The following ARHGAP20 variants were observed in gnomAD, a reference collection of about 807,000 sequenced individuals.
ARHGAP20 encodes Rho GTPase activating protein 20, also known as rho GTPase-activating protein 20.
In ARHGAP20, 34 loss-of-function variants were observed where a neutral mutation model predicts 73.7. The ratio of observed to expected loss-of-function variants is 0.46; its 90% confidence interval spans 0.35 to 0.61. The LOEUF is 0.61. Ranked by LOEUF, ARHGAP20 falls within the 20% of genes least tolerant of loss-of-function variation. ARHGAP20 has a pLI of 0.00. For synonymous variants in ARHGAP20, 523 were observed against 518.2 expected (o/e 1.01, Z -0.13); for missense variants, 1,314 against 1,420.9 (o/e 0.92, Z 1.21).
At chr11:110,616,840 G>A (rs1337939137) in intron 4 of ARHGAP20, among the ~76,000 whole-genome samples, 1 of 152,052 alleles carries the variant, frequency 6.6e-6, no homozygotes, top group African/African-American at 2.4e-5. Context: ...AAACAGATAA[G>A]AGCTTTGCTT....
intron 9 of ARHGAP20, among the ~76,000 whole-genome samples, chr11:110,601,780 T>C (rs1390350466): frequency 6.6e-6 from 1 of 152,022 alleles, no homozygotes; most frequent in African/African-American, 2.4e-5. Context: ...GGTCAGGAGT[T>C]CAAGACCAGT....
At chr11:110,634,290 C>T (rs1437701510) in intron 2 of ARHGAP20, among the ~76,000 whole-genome samples, 1 of 152,040 alleles carries the variant, frequency 6.6e-6, no homozygotes, top group Non-Finnish European at 1.5e-5. Context: ...GTTTTTTTAG[C>T]AGCTGAACAC....
intron 7 of ARHGAP20, among the ~76,000 whole-genome samples, chr11:110,611,060 T>C (rs1232329885): frequency 1.3e-5 from 2 of 152,066 alleles, no homozygotes; most frequent in African/African-American, 2.4e-5. Context: ...AAAATACATA[T>C]TGTCACTTTA....
At chr11:110,638,730 C>T (rs1384675536) in intron 2 of ARHGAP20, among the ~76,000 whole-genome samples, 2 of 151,796 alleles carry the variant, frequency 1.3e-5, no homozygotes, top group Non-Finnish European at 2.9e-5. Context: ...AACCATCATT[C>T]TCATCAGACT....
chr11:110,702,188 T>C (rs1406770744), intron 1 of ARHGAP20, among the ~76,000 whole-genome samples: 6 of 152,062 alleles, frequency 3.9e-5, no homozygotes, highest in Admixed American at 6.6e-5. Flanking sequence ...TTATCCACCA[T>C]GATCAAGTGG....
At chr11:110,584,846 T>C (rs1947580307) in intron 12 of ARHGAP20, among the ~76,000 whole-genome samples, 1 of 151,094 alleles carries the variant, frequency 6.6e-6, no homozygotes, top group African/African-American at 2.4e-5. Flanking sequence ...TTCTGATTCA[T>C]ATATATATAT....
chr11:110,585,693 A>G (rs191282337), intron 12 of ARHGAP20, among the ~76,000 whole-genome samples: 4 of 152,304 alleles, frequency 2.6e-5, no homozygotes, highest in African/African-American at 9.6e-5. Context: ...CTTTGTGATC[A>G]GACGTCCTTT....
At chr11:110,627,790 A>G (rs992426379) in intron 3 of ARHGAP20, among the ~76,000 whole-genome samples, 3 of 152,214 alleles carry the variant, frequency 2.0e-5, no homozygotes, top group Non-Finnish European at 2.9e-5. Flanking sequence ...ATTATCAGAG[A>G]GAATATTAAC....
chr11:110,674,468 T>A (rs1333509105), intron 2 of ARHGAP20, among the ~76,000 whole-genome samples: 3 of 152,174 alleles, frequency 2.0e-5, no homozygotes, highest in African/African-American at 7.2e-5. Context: ...GAAAATCCCA[T>A]ACTTGATCTC....
chr11:110,711,601 G>A, intron 1 of ARHGAP20: 2 of 1,484,540 alleles, frequency 1.3e-6, no homozygotes, highest in African/African-American at 1.5e-5. Context: ...GAGCAGCCGC[G>A]CCTCGGCGGG....
chr11:110,645,859 C>T (rs1949180493), intron 2 of ARHGAP20, among the ~76,000 whole-genome samples: 1 of 152,128 alleles, frequency 6.6e-6, no homozygotes, highest in Non-Finnish European at 1.5e-5. Flanking sequence ...AGTGAACTAA[C>T]ACAGAAACTG....
intron 2 of ARHGAP20, among the ~76,000 whole-genome samples, chr11:110,648,596 T>C (rs2135006340): frequency 6.6e-6 from 1 of 151,628 alleles, no homozygotes; most frequent in Non-Finnish European, 1.5e-5. Context: ...GTGATTCTCC[T>C]GCCTCAGCCT....
At chr11:110,584,751 G>C (rs963001458) in intron 12 of ARHGAP20, among the ~76,000 whole-genome samples, 2 of 151,928 alleles carry the variant, frequency 1.3e-5, no homozygotes, top group Admixed American at 1.3e-4. Context: ...GAAAATTCTG[G>C]TGGAGAGAAC....
intron 11 of ARHGAP20, chr11:110,589,721 G>A: frequency 6.1e-6 from 6 of 983,570 alleles, no homozygotes; most frequent in Non-Finnish European, 7.2e-6. Flanking sequence ...CCATGGATGT[G>A]ACTTAAGTAA....
At chr11:110,674,977 T>C (rs112566256) in intron 2 of ARHGAP20, among the ~76,000 whole-genome samples, 45 of 152,338 alleles carry the variant, frequency 3.0e-4, no homozygotes, top group African/African-American at 9.6e-4. Context: ...CGTGCAGTTT[T>C]GTTACACAGG....
chr11:110,693,285 T>C (rs994301340), intron 1 of ARHGAP20, among the ~76,000 whole-genome samples: 3 of 151,912 alleles, frequency 2.0e-5, no homozygotes, highest in Non-Finnish European at 2.9e-5. Flanking sequence ...TCAGGTTCCA[T>C]TGTTCGTACT....
rs1947313701 is a variant in ARHGAP20, at chr11:110,577,399, T to C, written c.*1971A>G. 4.3e-6 allele frequency: 5 copies of C among 1,161,324 alleles called. No homozygotes were observed. In the African/African-American group the frequency reaches 8.0e-5, roughly 18 times the overall value. The allele number at this position is 1,161,324 out of a possible 1,614,324, so 71.9% of individuals were successfully genotyped here. On this transcript the variant is annotated 3_prime_UTR_variant, in exon 15 of 15. Transcript: ENST00000683387. Reference sequence around the variant, plus strand: ...AAGGGAACACAGATAGTAGGAATGGTTATTAAAAAACCTCAGCAACTATTT... The same window carrying C: ...AAGGGAACACAGATAGTAGGAATGGCTATTAAAAAACCTCAGCAACTATTT...
intron 2 of ARHGAP20, among the ~76,000 whole-genome samples, chr11:110,646,969 T>A (rs1462656081): frequency 1.3e-5 from 2 of 151,940 alleles, no homozygotes; most frequent in Admixed American, 6.6e-5. Flanking sequence ...TCAAAAAAAA[T>A]AATAGTAATA....
chr11:110,623,793 G>A (rs949122218), intron 4 of ARHGAP20, among the ~76,000 whole-genome samples: 3 of 152,068 alleles, frequency 2.0e-5, no homozygotes, highest in Admixed American at 1.3e-4. Flanking sequence ...TTGAAGAGGG[G>A]GTCCTAAAGA....
Sources: gnomAD v4.1 joint callset for allele counts (sites outside exome capture counted in the v4.1 genomes callset) on GRCh38, gnomAD v4.1.1 for gene constraint, MANE v1.5 for transcripts, NCBI Gene and HGNC (gene_info 2026-07-23, HGNC 2026-07-21) for gene names.